Variants in HYDIN observed in about 807,000 individuals in gnomAD.
The protein encoded by HYDIN is axonemal central pair apparatus protein HYDIN.
A neutral mutation model predicts 403.9 loss-of-function variants in HYDIN; 132 were observed. The ratio of observed to expected loss-of-function variants is 0.33; its 90% CI spans 0.28 to 0.38. The LOEUF (loss-of-function observed/expected upper bound fraction) is 0.38. Among genes scored for constraint, HYDIN ranks in the 10% least tolerant of loss-of-function variants. The pLI, the probability that HYDIN is intolerant of heterozygous loss-of-function variation, is 1.00. For synonymous variants in HYDIN, 1,202 were observed against 1,891.7 expected, an observed-to-expected ratio of 0.64 and a Z score of 9.46; for missense variants, 2,827 against 5,009.5, an observed-to-expected ratio of 0.56 and a Z score of 13.15.
intron 1 of HYDIN, among the ~76,000 whole-genome samples, chr16:71,218,615 T>C (rs900317902): frequency 6.6e-6 from 1 of 152,192 alleles, no homozygotes; most frequent in Non-Finnish European, 1.5e-5. Context: ...AGTTTTAACA[T>C]AACAAGCCAT....
intron 18 of HYDIN, among the ~76,000 whole-genome samples, chr16:71,038,333 T>C (rs938903844): frequency 1.1e-4 from 16 of 152,092 alleles, no homozygotes; most frequent in African/African-American, 3.9e-4. Context: ...AGCCAGAGCT[T>C]TATAGGTTTC....
intron 38 of HYDIN, among the ~76,000 whole-genome samples, chr16:70,960,324 T>G (rs938989738): frequency 1.3e-5 from 2 of 150,730 alleles, no homozygotes; most frequent in African/African-American, 4.9e-5. Context: ...GCCATGTCCT[T>G]TGATTACATA....
chr16:70,868,684 C>A lies in HYDIN; in HGVS notation c.11196G>T (p.Arg3732Ser). The A allele has an allele frequency of 6.2e-7, 1 of 1,614,176 alleles. No individual in the cohort carries two copies. The highest frequency in any genetic ancestry group is 8.5e-7 in the Non-Finnish European group (1 of 1,180,026). ...KNMRIRCKLS[R>S]IMFQLPADQV... Reference sequence around the variant, plus strand: ...GGTCTGCAGGGAGCTGAAACATAATCCTGGAGAGCTTGCACCTGATCCGCA... The same window carrying A: ...GGTCTGCAGGGAGCTGAAACATAATACTGGAGAGCTTGCACCTGATCCGCA... Residue 3732 changes from arginine to serine, a missense_variant, in exon 66 of 86, where the codon AGG (arginine) becomes AGT (serine). Arg to Ser is a moderately radical substitution (Grantham distance 110). Transcript: ENST00000393567.
intron 6 of HYDIN, among the ~76,000 whole-genome samples, chr16:71,156,637 CTCT>C (rs1307034491): frequency 8.6e-5 from 13 of 151,950 alleles, no homozygotes; most frequent in African/African-American, 3.1e-4. Context: ...CAATTATGAG[CTCT>C]TCTTAAGAAC....
intron 85 of HYDIN, among the ~76,000 whole-genome samples, chr16:70,808,776 C>T (rs2035265468): frequency 6.6e-6 from 1 of 152,208 alleles, no homozygotes; most frequent in Non-Finnish European, 1.5e-5. Context: ...CCTTTCCTAG[C>T]TCCTTTGTTG....
At chr16:71,083,698 C>A (rs2082850789) in intron 12 of HYDIN, among the ~76,000 whole-genome samples, 1 of 152,138 alleles carries the variant, frequency 6.6e-6, no homozygotes, top group African/African-American at 2.4e-5. Context: ...AGAAACAAAT[C>A]AGTCATACAT....
intron 72 of HYDIN, among the ~76,000 whole-genome samples, chr16:70,856,074 A>G (rs1390104472): frequency 2.0e-5 from 3 of 146,408 alleles, no homozygotes; most frequent in Non-Finnish European, 4.4e-5. Context: ...AGTTTTCTTC[A>G]TGTAGGTCTT....
chr16:71,010,715 G>T (rs2080054250), intron 23 of HYDIN, among the ~76,000 whole-genome samples: 2 of 152,252 alleles, frequency 1.3e-5, no homozygotes, highest in Non-Finnish European at 2.9e-5. Flanking sequence ...GACAGCTGTG[G>T]TTTAAGGGTA....
At chr16:71,127,044 T>G (rs2084494086) in intron 9 of HYDIN, among the ~76,000 whole-genome samples, 1 of 152,142 alleles carries the variant, frequency 6.6e-6, no homozygotes, top group African/African-American at 2.4e-5. Flanking sequence ...TGTATTTATA[T>G]AAAACTTTCA....
intron 7 of HYDIN, among the ~76,000 whole-genome samples, chr16:71,151,307 T>TG (rs1277425967): frequency 6.6e-6 from 1 of 152,006 alleles, no homozygotes; most frequent in Non-Finnish European, 1.5e-5. Flanking sequence ...TGCTGAGCAA[T>TG]GTGGAGCTAG....
At chr16:70,848,560 A>T (rs1403587302) in intron 75 of HYDIN, among the ~76,000 whole-genome samples, 1 of 118,692 alleles carries the variant, frequency 8.4e-6, no homozygotes, top group East Asian at 2.5e-4. Context: ...CATGGCCAAT[A>T]AAGTTTCTGC....
At position 70,808,053 on chromosome 16, in the gene HYDIN, T is replaced by C. The variant is rs1320560388; in HGVS notation, c.14893A>G (p.Thr4965Ala). ...ATGAGTTTTTCTGCGTGGAAGTCTGTACAGTCGGTCTGAAAGGGGAACAAA... is the reference window on the plus strand; with the variant it reads ...ATGAGTTTTTCTGCGTGGAAGTCTGCACAGTCGGTCTGAAAGGGGAACAAA... ...RTEYYCRTDC[T>A]DFHAEKLINA... is the part of the protein sequence containing the mutation. Residue 4965 changes from threonine (T) to alanine (A), a missense_variant, in exon 86 of 86, where the codon ACA (threonine) becomes GCA (alanine). Coordinates refer to ENST00000393567, the MANE Select transcript of HYDIN (RefSeq NM_001270974.2). 1.1e-5 allele frequency: 18 copies of C among 1,607,018 alleles called. No homozygotes were observed. Among genetic ancestry groups the C allele is most frequent in the Non-Finnish European group, 1.5e-5 (18 of 1,175,398 alleles).
At chr16:70,910,198 T>C (rs910693769) in intron 47 of HYDIN, among the ~76,000 whole-genome samples, 4 of 152,210 alleles carry the variant, frequency 2.6e-5, no homozygotes, top group Non-Finnish European at 4.4e-5. Flanking sequence ...CCGAGCAGTA[T>C]ACACTGCACC....
intron 7 of HYDIN, among the ~76,000 whole-genome samples, chr16:71,141,688 T>C (rs1169376057): frequency 6.6e-6 from 1 of 152,120 alleles, no homozygotes; most frequent in Non-Finnish European, 1.5e-5. Context: ...GGCAAGAATA[T>C]GGAAAAAGAA....
At chr16:71,138,264 T>C (rs1395173372) in intron 7 of HYDIN, among the ~76,000 whole-genome samples, 1 of 81,910 alleles carries the variant, frequency 1.2e-5, no homozygotes, top group East Asian at 4.0e-4. Flanking sequence ...TAAAGCATCA[T>C]TACTTGTATC....
rs1280881287 is a variant in HYDIN at position 70,806,697 on chromosome 16, G to T, written c.*883C>A. 6.6e-6 allele frequency among the ~76,000 whole-genome samples: 1 copy of T among 152,154 alleles called. No homozygotes were observed. Among genetic ancestry groups the T allele is most frequent in the African/African-American group, 2.4e-5 (1 of 41,422 alleles). ...GAGTGTGGGGAGCAGGTAGAGGCAG[G>T]GGGACCCTCCGTCAGAGGTGTATGT... On this transcript the variant is annotated 3_prime_UTR_variant, in exon 86 of 86. Transcript: ENST00000393567.
intron 1 of HYDIN, among the ~76,000 whole-genome samples, chr16:71,195,930 T>C (rs536056002): frequency 3.3e-5 from 5 of 152,150 alleles, no homozygotes; most frequent in Non-Finnish European, 7.4e-5. Context: ...CTGTAGAAGT[T>C]TCCAGGTCAG....
At chr16:71,006,664 G>T (rs904355806) in intron 23 of HYDIN, among the ~76,000 whole-genome samples, 5 of 151,550 alleles carry the variant, frequency 3.3e-5, no homozygotes, top group South Asian at 2.1e-4. Flanking sequence ...TTGATTCAGG[G>T]ACTCAGGATA....
intron 19 of HYDIN, chr16:71,031,316 T>C (rs959974151): frequency 3.2e-6 from 1 of 313,118 alleles, no homozygotes; most frequent in East Asian, 1.1e-4. Context: ...CTAAGCTGTA[T>C]CTGTATTTTC....
Sources: allele counts gnomAD v4.1 joint callset (sites outside exome capture counted in the v4.1 genomes callset), GRCh38; gene constraint gnomAD v4.1.1; transcripts MANE v1.5; gene names NCBI Gene and HGNC (gene_info 2026-07-23, HGNC 2026-07-21).